The following PDE3A variants were observed in gnomAD, a reference collection of about 807,000 sequenced individuals.
The protein encoded by PDE3A is phosphodiesterase 3A, also known as cGMP-inhibited 3',5'-cyclic phosphodiesterase 3A.
A neutral mutation model predicts 98.3 loss-of-function variants in PDE3A; 43 were observed. The observed-to-expected ratio is 0.44, with a 90% CI of 0.34 to 0.56. The LOEUF is 0.56. Among genes scored for constraint, PDE3A ranks in the 20% least tolerant of loss-of-function variants. The pLI is 0.01. For missense variants in PDE3A, 1,427 were observed against 1,440.7 expected, an observed-to-expected ratio of 0.99 and a Z score of 0.15; for synonymous variants, 663 against 567.9, an observed-to-expected ratio of 1.17 and a Z score of -2.38.
intron 5 of PDE3A, among the ~76,000 whole-genome samples, chr12:20,623,842 A>ATTTAT (rs1465158688): frequency 4.6e-5 from 7 of 152,118 alleles, no homozygotes; most frequent in African/African-American, 4.8e-5. Context: ...TCTAGAAAGA[A>ATTTAT]GAAGAAGAAG....
chr12:20,584,243 A>C (rs1409292859), intron 2 of PDE3A, among the ~76,000 whole-genome samples: 1 of 152,206 alleles, frequency 6.6e-6, no homozygotes, highest in African/African-American at 2.4e-5. Flanking sequence ...GTTACAAATG[A>C]GTGAGATGAA....
intron 2 of PDE3A, among the ~76,000 whole-genome samples, chr12:20,590,852 G>A (rs1490062698): frequency 6.6e-6 from 1 of 152,150 alleles, no homozygotes; most frequent in Non-Finnish European, 1.5e-5. Flanking sequence ...AGGTTATGGT[G>A]GGTCTGTGAT....
intron 2 of PDE3A, among the ~76,000 whole-genome samples, chr12:20,597,985 G>A (rs555045870): frequency 1.3e-5 from 2 of 151,772 alleles, no homozygotes; most frequent in East Asian, 3.9e-4. Context: ...TGTTTTTTTT[G>A]TGCTCATAAG....
At chr12:20,495,047 T>TTGAGG (rs1352097868) in intron 1 of PDE3A, among the ~76,000 whole-genome samples, 1 of 152,194 alleles carries the variant, frequency 6.6e-6, no homozygotes, top group African/African-American at 2.4e-5. Context: ...AGTGTCTGTC[T>TTGAGG]AAAATCATTC....
rs114605425 is a variant in PDE3A, at chr12:20,412,822, A to C, written c.960+42578A>C. On this transcript the variant is annotated intron_variant, in intron 1 of 15. Coordinates refer to ENST00000359062, the MANE Select transcript of PDE3A (RefSeq NM_000921.5). ...TTTTCCTCCAACTCAGGTAGATAGG[A>C]TTTACCAGCTTGGCCTTAATTTCCT... Among the ~76,000 whole-genome samples the C allele has an allele frequency of 5.2e-3, 796 of 152,256 alleles. 10 individuals are homozygous for C. The highest frequency in any genetic ancestry group is 0.018 in the African/African-American group (765 of 41,548).
intron 1 of PDE3A, among the ~76,000 whole-genome samples, chr12:20,487,605 A>G (rs1309368475): frequency 1.3e-5 from 2 of 150,660 alleles, no homozygotes; most frequent in East Asian, 2.0e-4. Context: ...GCGAGCCAAG[A>G]TTGCGCCACT....
At position 20,552,876 on chromosome 12, in the gene PDE3A, C is replaced by T. The variant is rs1240798841; in HGVS notation, c.961-3784C>T. On this transcript the variant is annotated intron_variant, in intron 1 of 15. Transcript: ENST00000359062. This position sits in a 1 kb window ranked among gnomAD's most constrained non-coding sequence, Gnocchi z 5.1. ...ACAACGTGTGCAAGGACTGCCTGGACAGATCCTTTCGGGCACAGGTGTTCA... is the reference window on the plus strand; with the variant it reads ...ACAACGTGTGCAAGGACTGCCTGGATAGATCCTTTCGGGCACAGGTGTTCA... The T allele has an allele frequency of 5.0e-6, 8 of 1,613,248 alleles. No homozygotes were observed. The Admixed American group carries it at 1.2e-4, about 24-fold the overall frequency.
chr12:20,489,464 A>G (rs996203076), intron 1 of PDE3A, among the ~76,000 whole-genome samples: 1 of 152,208 alleles, frequency 6.6e-6, no homozygotes, highest in Non-Finnish European at 1.5e-5. Context: ...GGGTCTCAGT[A>G]AACTATTGTA....
intron 1 of PDE3A, among the ~76,000 whole-genome samples, chr12:20,393,998 C>T (rs547146315): frequency 6.6e-6 from 1 of 151,996 alleles, no homozygotes; most frequent in Non-Finnish European, 1.5e-5. Context: ...GTTTACAAAT[C>T]GCAGCTCTAT....
intron 15 of PDE3A, among the ~76,000 whole-genome samples, chr12:20,658,136 G>C (rs1945083707): frequency 6.6e-6 from 1 of 152,186 alleles, no homozygotes; most frequent in Admixed American, 6.5e-5. Context: ...TAAAAAATCT[G>C]ATGTATTAAT....
At chr12:20,540,765 A>G (rs1941875964) in intron 1 of PDE3A, among the ~76,000 whole-genome samples, 2 of 152,094 alleles carry the variant, frequency 1.3e-5, no homozygotes. Context: ...TGGTAATTTC[A>G]TTAGGAAAAC....
chr12:20,579,664 C>T (rs1044173613), intron 2 of PDE3A, among the ~76,000 whole-genome samples: 2 of 152,116 alleles, frequency 1.3e-5, no homozygotes, highest in Non-Finnish European at 2.9e-5. Flanking sequence ...GCTCTCAGGC[C>T]CCTCCCCTAT....
intron 1 of PDE3A, among the ~76,000 whole-genome samples, chr12:20,432,127 G>T (rs1340904605): frequency 6.6e-6 from 1 of 152,174 alleles, no homozygotes; most frequent in Non-Finnish European, 1.5e-5. Context: ...GTGGTTAAAT[G>T]ATTGCTTAAA....
chr12:20,506,826 G>A (rs1327184884), intron 1 of PDE3A, among the ~76,000 whole-genome samples: 1 of 151,886 alleles, frequency 6.6e-6, no homozygotes, highest in East Asian at 1.9e-4. Flanking sequence ...TTTATGTAAT[G>A]TTTTAGAGAA....
intron 1 of PDE3A, among the ~76,000 whole-genome samples, chr12:20,547,181 C>G (rs958124749): frequency 1.3e-5 from 2 of 151,180 alleles, no homozygotes; most frequent in East Asian, 3.9e-4. Context: ...AGGACTTTTT[C>G]GATCTACTGT....
chr12:20,488,886 A>AAG (rs1945778465), intron 1 of PDE3A, among the ~76,000 whole-genome samples: 1 of 151,880 alleles, frequency 6.6e-6, no homozygotes, highest in Non-Finnish European at 1.5e-5. Flanking sequence ...CTCCAAAAAA[A>AAG]AAAAAAAAAG....
intron 1 of PDE3A, among the ~76,000 whole-genome samples, chr12:20,375,021 A>T (rs1472306036): frequency 6.6e-6 from 1 of 151,870 alleles, no homozygotes; most frequent in African/African-American, 2.4e-5. Flanking sequence ...TTTATGGTGA[A>T]TTGTTTACTT....
chr12:20,580,804 C>G (rs778105775), intron 2 of PDE3A, among the ~76,000 whole-genome samples: 44 of 152,290 alleles, frequency 2.9e-4, no homozygotes, highest in Middle Eastern at 6.8e-3. Context: ...TCTGCACACT[C>G]GCATGTTGCT....
At chr12:20,458,629 C>T (rs961472042) in intron 1 of PDE3A, among the ~76,000 whole-genome samples, 1 of 152,134 alleles carries the variant, frequency 6.6e-6, no homozygotes, top group African/African-American at 2.4e-5. Context: ...CCTTTCTTGT[C>T]TTTCTACCTA....
Sources: allele counts gnomAD v4.1 joint callset (sites outside exome capture counted in the v4.1 genomes callset), GRCh38; gene constraint gnomAD v4.1.1; non-coding constraint Gnocchi (gnomAD v3.1); transcripts MANE v1.5; gene names NCBI Gene and HGNC (gene_info 2026-07-23, HGNC 2026-07-21).